Variants in SRRM3 observed in about 807,000 individuals in gnomAD.
SRRM3 encodes the protein serine/arginine repetitive matrix protein 3.
In SRRM3, 27 loss-of-function variants were observed where a neutral mutation model predicts 66.2. The observed-to-expected ratio is 0.41, with a 90% confidence interval of 0.30 to 0.56. SRRM3 has a LOEUF of 0.56. SRRM3 is among the 20% of genes least tolerant of loss of function. The probability of loss-of-function intolerance (pLI) is 0.32; values close to 1 mark genes in which losing one functional copy is unlikely to be tolerated. For synonymous variants in SRRM3, 391 were observed against 414.9 expected (o/e 0.94, Z 0.70); for missense variants, 918 against 991.9 (o/e 0.93, Z 1.00).
At position 76,248,401 on chromosome 7, in the gene SRRM3, G is replaced by T. The variant is rs1486040105; in HGVS notation, c.335+112G>T. On this transcript the variant is annotated intron_variant, in intron 3 of 14. Transcript: ENST00000611745. ...TGGTCTGGTTGGGGCTCAGGTGAGG[G>T]GGTGGAGAGGAAGAAGATAAGGAGA... 1.4e-6 allele frequency: 1 copy of T among 697,868 alleles called. No homozygotes were observed. Among genetic ancestry groups the T allele is most frequent in the Non-Finnish European group, 2.5e-6 (1 of 398,346 alleles). 43.2% of individuals were successfully genotyped at this position (697,868 alleles called of 1,614,324 possible). A position where few individuals can be genotyped will look rare whatever the true frequency, so the allele number is the denominator to read the frequency against.
At chr7:76,218,681 T>C (rs1320370148) in intron 1 of SRRM3, among the ~76,000 whole-genome samples, 32 of 132,272 alleles carry the variant, frequency 2.4e-4, no homozygotes, top group African/African-American at 7.1e-4. Context: ...TTTCTTTTTT[T>C]TTTTTTTTTT....
At chr7:76,208,142 G>A (rs1216223290) in intron 1 of SRRM3, among the ~76,000 whole-genome samples, 2 of 152,142 alleles carry the variant, frequency 1.3e-5, no homozygotes, top group East Asian at 3.9e-4. Context: ...GCTAGGGAAG[G>A]AGGACATGAG....
chr7:76,274,637 G>A (rs1802296897), intron 11 of SRRM3, among the ~76,000 whole-genome samples: 1 of 152,184 alleles, frequency 6.6e-6, no homozygotes, highest in African/African-American at 2.4e-5. Flanking sequence ...GGGACTAGGG[G>A]CCCACAGGGT....
At chr7:76,265,317 CG>C in intron 9 of SRRM3, 46 bp from the exon 10 acceptor site, 8 of 1,456,738 alleles carry the variant, frequency 5.5e-6, no homozygotes, top group East Asian at 2.4e-5. Flanking sequence ...GGGGGGATCA[CG>C]GGGGGCAGAA....
chr7:76,239,072 G>C (rs556346512), intron 2 of SRRM3, among the ~76,000 whole-genome samples: 395 of 150,908 alleles, frequency 2.6e-3, no homozygotes, highest in Non-Finnish European at 4.2e-3. Context: ...CACTCTTGTT[G>C]CCCAGGCTGG....
intron 8 of SRRM3, among the ~76,000 whole-genome samples, 179 bp downstream of exon 8, chr7:76,261,760 G>A (rs1276547385): frequency 1.3e-5 from 2 of 152,000 alleles, no homozygotes; most frequent in Non-Finnish European, 2.9e-5. Flanking sequence ...AAAACCAACT[G>A]TTTGCAACCC....
At chr7:76,263,163 C>T (rs1426142249) in intron 8 of SRRM3, among the ~76,000 whole-genome samples, 2 of 152,234 alleles carry the variant, frequency 1.3e-5, no homozygotes, top group Admixed American at 1.3e-4. Context: ...CTCTGGCCAG[C>T]TCCCATCCTT....
chr7:76,284,474 G>A (rs367632881), intron 14 of SRRM3, among the ~76,000 whole-genome samples: 3 of 152,048 alleles, frequency 2.0e-5, no homozygotes, highest in African/African-American at 7.2e-5. Context: ...CCCCGCGCCC[G>A]ACCAAATTGT....
intron 11 of SRRM3, among the ~76,000 whole-genome samples, chr7:76,275,354 G>A (rs1802318070): frequency 6.6e-6 from 1 of 151,270 alleles, no homozygotes; most frequent in Non-Finnish European, 1.5e-5. Flanking sequence ...GCTAGGCGAG[G>A]TGGTACCACC....
intron 1 of SRRM3, among the ~76,000 whole-genome samples, chr7:76,234,794 T>C (rs1801100074): frequency 6.6e-6 from 1 of 152,124 alleles, no homozygotes; most frequent in Non-Finnish European, 1.5e-5. Context: ...CCATCCAGTC[T>C]GGCCTGCATC....
At chr7:76,240,411 G>T (rs1563620657) in intron 2 of SRRM3, among the ~76,000 whole-genome samples, 1 of 152,050 alleles carries the variant, frequency 6.6e-6, no homozygotes, top group Non-Finnish European at 1.5e-5. Context: ...ACGAGGTCAG[G>T]AGATCGAGGC....
chr7:76,216,086 C>T (rs1393644926), intron 1 of SRRM3, among the ~76,000 whole-genome samples: 3 of 151,784 alleles, frequency 2.0e-5, no homozygotes, highest in Non-Finnish European at 4.4e-5. Context: ...GGATTACAGG[C>T]GTGAGCCACC....
chr7:76,229,892 C>T (rs782106214), intron 1 of SRRM3, among the ~76,000 whole-genome samples: 1 of 152,026 alleles, frequency 6.6e-6, no homozygotes, highest in Non-Finnish European at 1.5e-5. Context: ...TGCAGGCATG[C>T]ACCACCATGA....
intron 3 of SRRM3, among the ~76,000 whole-genome samples, chr7:76,253,956 G>A (rs1801644647): frequency 1.3e-5 from 2 of 152,190 alleles, no homozygotes; most frequent in East Asian, 1.9e-4. Flanking sequence ...TCTCAGGACA[G>A]GTTGTATCAG....
At chr7:76,284,869 C>T (rs949418574) in intron 14 of SRRM3, among the ~76,000 whole-genome samples, 1 of 152,202 alleles carries the variant, frequency 6.6e-6, no homozygotes. Context: ...GCCGGCGGGA[C>T]TGGACCGGAC....
intron 1 of SRRM3, among the ~76,000 whole-genome samples, chr7:76,210,477 T>G (rs1800404697): frequency 6.6e-6 from 1 of 152,230 alleles, no homozygotes; most frequent in Non-Finnish European, 1.5e-5. Context: ...GAGATCGTCC[T>G]TGATTCATTC....
chr7:76,215,729 A>C (rs1474494077), intron 1 of SRRM3, among the ~76,000 whole-genome samples: 1 of 145,568 alleles, frequency 6.9e-6, no homozygotes, highest in African/African-American at 2.6e-5. Context: ...CCAGGTTCAA[A>C]TGTTCTCCTG....
intron 1 of SRRM3, among the ~76,000 whole-genome samples, chr7:76,228,453 G>A (rs539802952): frequency 1.3e-5 from 2 of 152,174 alleles, no homozygotes; most frequent in South Asian, 2.1e-4. Context: ...TGCTGGGCGC[G>A]GTGGCTCAAG....
At chr7:76,218,674 C>CTTTTTTTTTTTT (rs11349335) in intron 1 of SRRM3, among the ~76,000 whole-genome samples, 9 of 76,278 alleles carry the variant, frequency 1.2e-4, no homozygotes, top group African/African-American at 3.2e-4. Flanking sequence ...GCTTTCTTTT[C>CTTTTTTTTTTTT]TTTTTTTTTT....
Sources: allele counts gnomAD v4.1 joint callset (sites outside exome capture counted in the v4.1 genomes callset), GRCh38; gene constraint gnomAD v4.1.1; transcripts MANE v1.5; gene names NCBI Gene and HGNC (gene_info 2026-07-23, HGNC 2026-07-21).